DOK5: variants seen among roughly 807,000 people sequenced by gnomAD.
DOK5 encodes downstream of tyrosine kinase 5.
DOK5 carries 27 observed loss-of-function variants against 43.3 expected under a neutral mutation model. That is an observed-to-expected ratio of 0.62 (90% confidence interval 0.46 to 0.86). DOK5 has a LOEUF of 0.86. Ranked by LOEUF, DOK5 falls within the 40% of genes least tolerant of loss-of-function variation. The pLI is 0.00. For synonymous variants in DOK5, 146 were observed against 140.1 expected (o/e 1.04, Z -0.30); for missense variants, 373 against 392.9 (o/e 0.95, Z 0.43).
At chr20:54,649,969 G>C (rs773255758) in intron 7 of DOK5, among the ~76,000 whole-genome samples, 2 of 152,162 alleles carry the variant, frequency 1.3e-5, no homozygotes, top group Non-Finnish European at 2.9e-5. Flanking sequence ...ACTCTGTTTG[G>C]TCTGAAATCT....
intron 1 of DOK5, among the ~76,000 whole-genome samples, chr20:54,529,417 C>T (rs1441390111): frequency 6.6e-6 from 1 of 152,042 alleles, no homozygotes; most frequent in Non-Finnish European, 1.5e-5. Context: ...AGGTGACAGG[C>T]TGTCCCTTAA....
At chr20:54,580,781 C>G (rs1446590979) in intron 2 of DOK5, among the ~76,000 whole-genome samples, 1 of 152,038 alleles carries the variant, frequency 6.6e-6, no homozygotes, top group East Asian at 1.9e-4. Flanking sequence ...GCTATTAACC[C>G]TTTATCAAGG....
chr20:54,589,286 T>C (rs1420506900), intron 4 of DOK5, among the ~76,000 whole-genome samples: 1 of 152,194 alleles, frequency 6.6e-6, no homozygotes, highest in African/African-American at 2.4e-5. Flanking sequence ...GGGCATTTTT[T>C]GGTCATGCCT....
At chr20:54,637,925 A>G (rs985440314) in intron 6 of DOK5, among the ~76,000 whole-genome samples, 1 of 152,192 alleles carries the variant, frequency 6.6e-6, no homozygotes, top group Non-Finnish European at 1.5e-5. Context: ...GATCAAGACC[A>G]TCGTGGCTAA....
chr20:54,607,581 T>A (rs922533094), intron 5 of DOK5, among the ~76,000 whole-genome samples: 1 of 152,168 alleles, frequency 6.6e-6, no homozygotes, highest in African/African-American at 2.4e-5. Context: ...GGATTTATTA[T>A]GTTTCTTAAA....
intron 6 of DOK5, among the ~76,000 whole-genome samples, chr20:54,627,596 C>A (rs1347804289): frequency 6.6e-6 from 1 of 152,118 alleles, no homozygotes; most frequent in Non-Finnish European, 1.5e-5. Context: ...CCTCTAGGGT[C>A]TGAGGGTAAA....
intron 6 of DOK5, among the ~76,000 whole-genome samples, chr20:54,630,156 A>G (rs1237240746): frequency 6.6e-6 from 1 of 152,152 alleles, no homozygotes; most frequent in Non-Finnish European, 1.5e-5. Context: ...GATGAGTTAA[A>G]CGCTACTGCA....
chr20:54,638,658 C>T (rs1978955624), intron 6 of DOK5, among the ~76,000 whole-genome samples: 1 of 151,796 alleles, frequency 6.6e-6, no homozygotes, highest in African/African-American at 2.4e-5. Context: ...TTATAGAGTC[C>T]AGGGACATGA....
At chr20:54,595,577 T>C (rs1986115435) in intron 5 of DOK5, among the ~76,000 whole-genome samples, 1 of 152,240 alleles carries the variant, frequency 6.6e-6, no homozygotes. Flanking sequence ...CATTTGCTTA[T>C]TTCATCCAAG....
intron 1 of DOK5, among the ~76,000 whole-genome samples, chr20:54,525,973 T>C (rs943660223): frequency 6.6e-6 from 1 of 152,164 alleles, no homozygotes; most frequent in Non-Finnish European, 1.5e-5. Flanking sequence ...TTGAGTGTGA[T>C]ATTTTTTCAT....
chr20:54,564,552 A>G (rs919600250), intron 2 of DOK5, among the ~76,000 whole-genome samples: 2 of 152,214 alleles, frequency 1.3e-5, no homozygotes, highest in African/African-American at 2.4e-5. Context: ...CCTAATTGTG[A>G]TTGGAAAGCT....
chr20:54,598,601 G>T (rs1986213828), intron 5 of DOK5, among the ~76,000 whole-genome samples: 3 of 152,150 alleles, frequency 2.0e-5, no homozygotes. Context: ...AATACCCTGG[G>T]TTTCGCACCT....
At chr20:54,644,723 A>AAAAAAAAAACAAAAAAAAACAC (rs1555839841) in intron 7 of DOK5, among the ~76,000 whole-genome samples, 4 of 142,404 alleles carry the variant, frequency 2.8e-5, no homozygotes, top group African/African-American at 8.6e-5. Context: ...AAAAAAAAAA[A>AAAAAAAAAACAAAAAAAAACAC]ACAAAATTTA....
At chr20:54,522,464 G>A (rs1284797699) in intron 1 of DOK5, among the ~76,000 whole-genome samples, 1 of 151,986 alleles carries the variant, frequency 6.6e-6, no homozygotes, top group African/African-American at 2.4e-5. Context: ...GCTCCATGAG[G>A]GTCGGAGACA....
chr20:54,560,362 G>A (rs1262163706), intron 2 of DOK5, among the ~76,000 whole-genome samples: 1 of 152,050 alleles, frequency 6.6e-6, no homozygotes, highest in African/African-American at 2.4e-5. Context: ...TGCCAAAGAG[G>A]ACATGACTCT....
At chr20:54,481,464 C>T (rs187959634) in intron 1 of DOK5, among the ~76,000 whole-genome samples, 61 of 152,290 alleles carry the variant, frequency 4.0e-4, no homozygotes, top group Non-Finnish European at 7.1e-4. Flanking sequence ...CCACCGTGCC[C>T]GGCCTCAGAC....
At chr20:54,618,222 G>A (rs1010225348) in intron 6 of DOK5, among the ~76,000 whole-genome samples, 1 of 152,206 alleles carries the variant, frequency 6.6e-6, no homozygotes, top group African/African-American at 2.4e-5. Context: ...ACTGGAGCCA[G>A]GAATGCAGGG....
chr20:54,611,574 AAT>A (rs72212123), intron 6 of DOK5, among the ~76,000 whole-genome samples: 7,742 of 152,120 alleles, frequency 0.051, 259 homozygotes, highest in Middle Eastern at 0.085. Context: ...ATTTAAAAAA[AAT>A]AATAATAATT....
intron 7 of DOK5, among the ~76,000 whole-genome samples, chr20:54,645,646 C>T (rs1157465779): frequency 6.6e-6 from 1 of 152,010 alleles, no homozygotes; most frequent in African/African-American, 2.4e-5. Flanking sequence ...TGATGACGTG[C>T]ACTCATAAGA....
Sources: allele counts gnomAD v4.1 joint callset (sites outside exome capture counted in the v4.1 genomes callset), GRCh38; gene constraint gnomAD v4.1.1; transcripts MANE v1.5; gene names NCBI Gene and HGNC (gene_info 2026-07-23, HGNC 2026-07-21).